Variants in SLC39A9 observed in about 807,000 individuals in gnomAD.
The protein encoded by SLC39A9 is zinc transporter ZIP9.
In SLC39A9, 14 loss-of-function variants were observed where a neutral mutation model predicts 28.4. The ratio of observed to expected loss-of-function variants is 0.49; its 90% CI spans 0.33 to 0.77. SLC39A9 has a LOEUF of 0.77. SLC39A9 is among the 30% of genes least tolerant of loss of function. The pLI is 0.02. For synonymous variants in SLC39A9, 119 were observed against 149.6 expected, an observed-to-expected ratio of 0.80 and a Z score of 1.49; for missense variants, 283 against 381.1, an observed-to-expected ratio of 0.74 and a Z score of 2.14.
chr14:69,443,606 C>T (rs559138345), intron 3 of SLC39A9, among the ~76,000 whole-genome samples: 11 of 152,292 alleles, frequency 7.2e-5, no homozygotes, highest in African/African-American at 2.6e-4. Flanking sequence ...CACCATGACT[C>T]ACCTGTAATC....
Position 69,425,661 on chromosome 14 carries a change from G to GT in SLC39A9, c.205+1470dup, listed in dbSNP as rs1016667660. Among the ~76,000 whole-genome samples the GT allele has an allele frequency of 9.3e-4, 136 of 145,630 alleles. 3 individuals carry two copies. The highest frequency in any genetic ancestry group is 3.5e-3 in the Middle Eastern group (1 of 288). ...TTTCAGGTATAGTTGGGGGTTTTGGGTTTTTTTTTTTATTTGTTTGTTTTG... is the reference window on the plus strand; with the variant it reads ...TTTCAGGTATAGTTGGGGGTTTTGGGTTTTTTTTTTTTATTTGTTTGTTTTG... On this transcript the variant is annotated intron_variant, in intron 2 of 6. Coordinates refer to ENST00000336643, the MANE Select transcript of SLC39A9 (RefSeq NM_018375.5).
Position 69,461,812 on chromosome 14 carries a change from T to C in SLC39A9, c.*3219T>C, listed in dbSNP as rs1282621084. ...AGCAGCACAAACCCCCAAAGGATGT[T>C]CCTGCCTTGTGGGCCCCTGAGCCCC... is the stretch of plus-strand genomic sequence containing the variant. On this transcript the variant is annotated 3_prime_UTR_variant, in exon 7 of 7. Coordinates refer to ENST00000336643, the MANE Select transcript of SLC39A9 (RefSeq NM_018375.5). 4 of 1,466,956 alleles carry C rather than the reference T, an allele frequency of 2.7e-6. No homozygotes were observed. In the African/African-American group the frequency reaches 5.6e-5, roughly 21 times the overall value. 90.9% of individuals were successfully genotyped at this position (1,466,956 alleles called of 1,614,324 possible).
chr14:69,435,680 CT>C (rs1172702375), intron 2 of SLC39A9, among the ~76,000 whole-genome samples: 18 of 148,732 alleles, frequency 1.2e-4, no homozygotes, highest in East Asian at 2.0e-4. Flanking sequence ...CTACTATTTT[CT>C]TTTTTTTTTG....
At chr14:69,414,068 T>A (rs1015681354) in intron 1 of SLC39A9, among the ~76,000 whole-genome samples, 1 of 145,278 alleles carries the variant, frequency 6.9e-6, no homozygotes, top group African/African-American at 2.5e-5. Context: ...TTTTTTTTTT[T>A]GAGAGAGGGT....
Position 69,446,164 on chromosome 14 carries a change from A to G in SLC39A9, c.403+3898A>G, listed in dbSNP as rs190575780. On this transcript the variant is annotated intron_variant, in intron 3 of 6. Transcript: ENST00000336643. ...GTTCTAAGTGTGGAAGAAGGAACAC[A>G]CAAGTATGGAGTGGAGGAAGGCAAG... is the stretch of plus-strand genomic sequence containing the variant. Among the ~76,000 whole-genome samples the G allele has an allele frequency of 1.5e-4, 23 of 152,156 alleles. No individual in the cohort carries two copies. In the East Asian group the frequency reaches 4.4e-3, roughly 29 times the overall value.
At chr14:69,448,209 T>C in intron 3 of SLC39A9, among the ~76,000 whole-genome samples, 1 of 70,172 alleles carries the variant, frequency 1.4e-5, no homozygotes, top group African/African-American at 6.4e-5. Context: ...AGTGAGACTC[T>C]GTCTCAAAAA....
chr14:69,455,706 A>G lies in SLC39A9; in HGVS notation c.559-26A>G, dbSNP rs773345190. ...AAGCAACCCATACTTCTAGAATGAT[A>G]ATAAGAGATGATTTTTTATTTCCAG... is the stretch of plus-strand genomic sequence containing the variant. On this transcript the variant is annotated intron_variant, in intron 5 of 6. Coordinates refer to ENST00000336643, the MANE Select transcript of SLC39A9 (RefSeq NM_018375.5). The G allele has an allele frequency of 1.9e-6, 3 of 1,613,844 alleles. No homozygotes were observed. In the South Asian group the frequency reaches 3.3e-5, roughly 18 times the overall value.
intron 2 of SLC39A9, among the ~76,000 whole-genome samples, chr14:69,424,922 C>T (rs891864962): frequency 2.6e-5 from 4 of 152,194 alleles, no homozygotes; most frequent in Non-Finnish European, 4.4e-5. Flanking sequence ...GAGGTAGGCA[C>T]TTCCAAATTT....
upstream of SLC39A9, chr14:69,398,409 G>T: frequency 1.3e-6 from 1 of 788,048 alleles, no homozygotes; most frequent in Non-Finnish European, 2.1e-6. Context: ...AGCTAGAGCA[G>T]CTACTGACTC....
intron 1 of SLC39A9, among the ~76,000 whole-genome samples, chr14:69,416,496 A>G (rs2140264045): frequency 6.6e-6 from 1 of 152,312 alleles, no homozygotes; most frequent in East Asian, 1.9e-4. Context: ...CAGTAATGGG[A>G]TGGCTGGGTC....
Position 69,459,047 on chromosome 14 carries a change from C to T in SLC39A9, c.*454C>T. On this transcript the variant is annotated 3_prime_UTR_variant, in exon 7 of 7. Coordinates refer to ENST00000336643, the MANE Select transcript of SLC39A9 (RefSeq NM_018375.5). ...TGGTTCCCACCATGTAAGACTGGTG[C>T]TTTAGCATCTATGCCACATGCGTTG... 1 of 988,988 alleles carries T rather than the reference C, an allele frequency of 1.0e-6. No homozygotes were observed. The highest frequency in any genetic ancestry group is 1.2e-6 in the Non-Finnish European group (1 of 831,718). 61.3% of individuals were successfully genotyped at this position (988,988 alleles called of 1,614,324 possible). A position where few individuals can be genotyped will look rare whatever the true frequency, so the allele number is the denominator to read the frequency against.
Position 69,420,985 on chromosome 14 carries a change from C to T in SLC39A9, c.97-3109C>T, listed in dbSNP as rs1269003882. ...GTTTGTTTTTACTGACCTTCTGAAG[C>T]CTACTTCTGTCAACTTGTCAAAGGA... is the stretch of plus-strand genomic sequence containing the variant. On this transcript the variant is annotated intron_variant, in intron 1 of 6. Transcript: ENST00000336643. 4.6e-5 allele frequency among the ~76,000 whole-genome samples: 7 copies of T among 152,212 alleles called. No individual in the cohort carries two copies. In the East Asian group the frequency reaches 1.2e-3, roughly 25 times the overall value.
chr14:69,398,432 C>A, upstream of SLC39A9: 1 of 680,154 alleles, frequency 1.5e-6, no homozygotes. Flanking sequence ...TTTCAGCCAT[C>A]TTCGATAAAG....
chr14:69,421,907 G>C (rs1883921022), intron 1 of SLC39A9, among the ~76,000 whole-genome samples: 2 of 152,214 alleles, frequency 1.3e-5, no homozygotes, highest in Non-Finnish European at 2.9e-5. Flanking sequence ...GGTACAGTCT[G>C]TCATGGCTTC....
intron 1 of SLC39A9, among the ~76,000 whole-genome samples, chr14:69,418,714 T>A (rs1475410789): frequency 6.6e-6 from 1 of 152,136 alleles, no homozygotes; most frequent in Non-Finnish European, 1.5e-5. Context: ...AGGGATTCAA[T>A]TTCTTTCCTG....
intron 1 of SLC39A9, among the ~76,000 whole-genome samples, chr14:69,413,193 A>G (rs1209673731): frequency 6.6e-6 from 1 of 152,220 alleles, no homozygotes; most frequent in Non-Finnish European, 1.5e-5. Context: ...TGTCTCTACT[A>G]AAAATACAAA....
chr14:69,424,035 G>A lies in SLC39A9; in HGVS notation c.97-59G>A, dbSNP rs918014851. 2.5e-5 allele frequency: 32 copies of A among 1,293,754 alleles called. 1 individual carries two copies. In the South Asian group the frequency reaches 3.8e-4, roughly 15 times the overall value. The allele number at this position is 1,293,754 out of a possible 1,614,324, so 80.1% of individuals were successfully genotyped here. On this transcript the variant is annotated intron_variant, in intron 1 of 6. Transcript: ENST00000336643. ...CACAGTCTTGATTACAGATACTTGA[G>A]AAACTTTTTCCCATTAATTAATCAA... is the stretch of plus-strand genomic sequence containing the variant.
intron 2 of SLC39A9, among the ~76,000 whole-genome samples, chr14:69,427,605 T>C (rs1199903344): frequency 6.6e-6 from 1 of 152,172 alleles, no homozygotes; most frequent in East Asian, 1.9e-4. Context: ...TTTTCTCCAC[T>C]CTCAACCCCT....
chr14:69,443,456 G>C (rs1038485099), intron 3 of SLC39A9, among the ~76,000 whole-genome samples: 1 of 152,218 alleles, frequency 6.6e-6, no homozygotes, highest in Admixed American at 6.5e-5. Context: ...AAGTAGTGAT[G>C]AGTGAAAGCG....
Sources: gnomAD v4.1 joint callset for allele counts (sites outside exome capture counted in the v4.1 genomes callset) on GRCh38, gnomAD v4.1.1 for gene constraint, MANE v1.5 for transcripts, NCBI Gene and HGNC (gene_info 2026-07-23, HGNC 2026-07-21) for gene names.